The following GDA variants were observed in gnomAD, a reference collection of about 807,000 sequenced individuals.
GDA encodes the protein guanine deaminase.
Under a neutral mutation model 59.6 loss-of-function variants are expected in GDA, and 18 were observed. The observed-to-expected ratio is 0.30, with a 90% confidence interval of 0.21 to 0.45. GDA has a LOEUF of 0.45. Among genes scored for constraint, GDA ranks in the 20% least tolerant of loss-of-function variants. The pLI is 1.00. For missense variants in GDA, 427 were observed against 552.3 expected, an observed-to-expected ratio of 0.77 and a Z score of 2.27; for synonymous variants, 201 against 201.1, an observed-to-expected ratio of 1.00 and a Z score of 0.00.
chr9:72,139,006 T>A (rs1055900972), intron 1 of GDA, among the ~76,000 whole-genome samples: 2 of 152,198 alleles, frequency 1.3e-5, no homozygotes, highest in African/African-American at 4.8e-5. Flanking sequence ...ATGCATTTCG[T>A]GTTATATTGT....
At chr9:72,119,919 TA>T (rs113044042) in intron 1 of GDA, among the ~76,000 whole-genome samples, 17,919 of 152,186 alleles carry the variant, frequency 0.12, 2,182 homozygotes, top group African/African-American at 0.31. Context: ...TAAAGATTAT[TA>T]AAAAGAGTCA....
rs531422414 is a variant in GDA at position 72,154,384 on chromosome 9, A to G, written c.123+4702A>G. 3.3e-5 allele frequency among the ~76,000 whole-genome samples: 5 copies of G among 152,318 alleles called. No individual in the cohort carries two copies. The East Asian group carries it at 5.8e-4, about 18-fold the overall frequency. ...ACTTAGTGGATACTTAACATGTACC[A>G]TGTTCATTCTATTCCCTTTGCCTCC... On this transcript the variant is annotated intron_variant, in intron 1 of 13. Coordinates refer to ENST00000358399, the MANE Select transcript of GDA (RefSeq NM_004293.5).
chr9:72,186,423 T>G (rs374920394), intron 1 of GDA, among the ~76,000 whole-genome samples: 2 of 152,100 alleles, frequency 1.3e-5, no homozygotes, highest in African/African-American at 4.8e-5. Flanking sequence ...GTCTAAGTGG[T>G]TCACTCTCTC....
At chr9:72,179,679 G>A (rs1448214402) in intron 1 of GDA, among the ~76,000 whole-genome samples, 1 of 152,152 alleles carries the variant, frequency 6.6e-6, no homozygotes, top group East Asian at 1.9e-4. Flanking sequence ...CAAACAGGGA[G>A]GCTTAAACAA....
At position 72,250,878 on chromosome 9, in the gene GDA, C is replaced by G; in HGVS notation, c.*2536C>G. 1.3e-6 allele frequency: 2 copies of G among 1,579,786 alleles called. No individual in the cohort carries two copies. The highest frequency in any genetic ancestry group is 1.7e-6 in the Non-Finnish European group (2 of 1,154,566). On this transcript the variant is annotated 3_prime_UTR_variant, in exon 14 of 14. Transcript: ENST00000358399. ...TCAAAAGTATCGATTATCATAAATT[C>G]ACAAAATATTTTTGCAACCAGAACA...
intron 1 of GDA, among the ~76,000 whole-genome samples, chr9:72,194,436 C>A (rs933605542): frequency 6.6e-6 from 1 of 152,180 alleles, no homozygotes; most frequent in Non-Finnish European, 1.5e-5. Context: ...GACAGTCTCA[C>A]ACCCCTGACA....
intron 1 of GDA, among the ~76,000 whole-genome samples, chr9:72,174,779 GAC>G (rs201996554): frequency 6.0e-4 from 91 of 151,570 alleles, no homozygotes; most frequent in African/African-American, 1.9e-3. Context: ...GAGAGAGAGA[GAC>G]AGACAGACAG....
intron 5 of GDA, among the ~76,000 whole-genome samples, chr9:72,218,975 C>T (rs557752096): frequency 6.6e-6 from 1 of 152,244 alleles, no homozygotes; most frequent in African/African-American, 2.4e-5. Context: ...CCATCTCTGG[C>T]TGCAAGTAAA....
chr9:72,131,623 G>A lies in GDA; in HGVS notation c.-100+16790G>A, dbSNP rs934692887. Among the ~76,000 whole-genome samples, 3 of 150,330 alleles carry A rather than the reference G, an allele frequency of 2.0e-5. No homozygotes were observed. The Admixed American group carries it at 2.0e-4, about 10-fold the overall frequency. ...CAAATGGCCCACTTCTCTTTATGGA[G>A]GGCTAGAAACACACCACGTGCACAG... On this transcript the variant is annotated intron_variant, in intron 1 of 13. Coordinates refer to the GDA transcript ENST00000545168.
intron 1 of GDA, among the ~76,000 whole-genome samples, chr9:72,170,814 CTAT>C (rs930630205): frequency 4.6e-5 from 6 of 129,832 alleles, no homozygotes; most frequent in Non-Finnish European, 9.1e-5. Flanking sequence ...CAATGAATTA[CTAT>C]TATTGTTGTT....
In GDA at chr9:72,245,255, G is replaced by T. The variant is rs1328017022; in HGVS notation, c.1243G>T (p.Asp415Tyr). The change falls in exon 12 of 14, where the codon GAC becomes TAC. Residue 415 changes from aspartate (D) to tyrosine (Y), a missense_variant. By Grantham distance (160) the Asp-to-Tyr change is radical. Coordinates refer to ENST00000358399, the MANE Select transcript of GDA (RefSeq NM_004293.5). ...SDSPIDLFYG[D>Y]FFGDISEAVI... ...CTCTCCCATTGACCTGTTTTATGGG[G>T]ACTTTTTTGGTGATATTTCTGAGGT... The T allele has an allele frequency of 1.9e-6, 3 of 1,610,620 alleles. No homozygotes were observed. The highest frequency in any genetic ancestry group is 2.5e-6 in the Non-Finnish European group (3 of 1,176,950).
intron 2 of GDA, among the ~76,000 whole-genome samples, chr9:72,201,299 C>T (rs1833977898): frequency 6.6e-6 from 1 of 151,730 alleles, no homozygotes; most frequent in Non-Finnish European, 1.5e-5. Flanking sequence ...TTTAACTCAA[C>T]TGCTGCCCAC....
chr9:72,158,214 T>C (rs1339091024), intron 1 of GDA, among the ~76,000 whole-genome samples: 2 of 152,098 alleles, frequency 1.3e-5, no homozygotes, highest in Non-Finnish European at 2.9e-5. Context: ...GTTTCTAGAG[T>C]CAGATTATGT....
intron 1 of GDA, among the ~76,000 whole-genome samples, chr9:72,182,116 G>A (rs1307277843): frequency 2.0e-5 from 3 of 152,004 alleles, no homozygotes; most frequent in Non-Finnish European, 4.4e-5. Context: ...TAAAAAATAA[G>A]GACACTGCCT....
rs1835246463 is a variant in GDA at position 72,210,713 on chromosome 9, C to T, written c.411C>T (p.Thr137=). Residue 137 remains threonine, a synonymous_variant, in exon 4 of 14, where the codon ACC becomes ACT. Coordinates refer to ENST00000358399, the MANE Select transcript of GDA (RefSeq NM_004293.5). ...GGAGAACACTAAAGAATGGAACAAC[C>T]ACAGCTTGTTACTTTGCAACAATTC... is the stretch of plus-strand genomic sequence containing the variant. ...VVRRTLKNGT[T]TACYFATIHT... The T allele has an allele frequency of 3.1e-6, 5 of 1,609,942 alleles. No homozygotes were observed. Among genetic ancestry groups the T allele is most frequent in the Non-Finnish European group, 4.3e-6 (5 of 1,176,346 alleles).
chr9:72,236,495 C>A (rs577551117), intron 10 of GDA, among the ~76,000 whole-genome samples: 54 of 152,286 alleles, frequency 3.5e-4, no homozygotes, highest in African/African-American at 1.2e-3. Context: ...TCTCCCACCA[C>A]GAAATTCACA....
chr9:72,254,307 G>A (rs535913914), downstream of GDA, among the ~76,000 whole-genome samples: 2 of 152,226 alleles, frequency 1.3e-5, no homozygotes, highest in African/African-American at 4.8e-5. Flanking sequence ...GTCTATAATA[G>A]TTGAATCTAA....
In GDA at chr9:72,248,547, T is replaced by G; in HGVS notation, c.*205T>G. 1 of 1,382,844 alleles carries G rather than the reference T, an allele frequency of 7.2e-7. No homozygotes were observed. Among genetic ancestry groups the G allele is most frequent in the South Asian group, 1.7e-5 (1 of 59,826 alleles). 85.7% of individuals were successfully genotyped at this position (1,382,844 alleles called of 1,614,324 possible). A position where few individuals can be genotyped will look rare whatever the true frequency, so the allele number is the denominator to read the frequency against. ...CTCTGGTTGAGAGGGTTCATAAATT[T>G]CATGAAAATATCTCCCTTTGGAGCT... On this transcript the variant is annotated 3_prime_UTR_variant, in exon 14 of 14. Transcript: ENST00000358399.
chr9:72,190,479 A>G (rs910044332), intron 1 of GDA, among the ~76,000 whole-genome samples: 3 of 152,232 alleles, frequency 2.0e-5, no homozygotes, highest in Non-Finnish European at 2.9e-5. Context: ...TATAATACAT[A>G]TAATATAGAA....
Sources: allele counts gnomAD v4.1 joint callset (sites outside exome capture counted in the v4.1 genomes callset), GRCh38; gene constraint gnomAD v4.1.1; transcripts MANE v1.5; gene names NCBI Gene and HGNC (gene_info 2026-07-23, HGNC 2026-07-21).